PCDHA3: variants seen among roughly 807,000 people sequenced by gnomAD.
PCDHA3 encodes the protein protocadherin alpha 3.
Under a neutral mutation model 62.2 loss-of-function variants are expected in PCDHA3, and 41 were observed. The ratio of observed to expected loss-of-function variants is 0.66; its 90% CI spans 0.51 to 0.86. The LOEUF (loss-of-function observed/expected upper bound fraction) is 0.86. Among genes scored for constraint, PCDHA3 ranks in the 40% least tolerant of loss-of-function variants. PCDHA3 has a pLI of 0.00. For missense variants in PCDHA3, 1,304 were observed against 1,241.2 expected (o/e 1.05, Z -0.76); for synonymous variants, 640 against 555.4 (o/e 1.15, Z -2.14).
intron 1 of PCDHA3, chr5:140,836,797 C>T: frequency 7.4e-7 from 1 of 1,343,980 alleles, no homozygotes; most frequent in Non-Finnish European, 1.0e-6. Context: ...AATTGGTCTC[C>T]TTAAATTTTC....
At chr5:140,830,468 G>A in intron 1 of PCDHA3, 1 of 1,571,084 alleles carries the variant, frequency 6.4e-7, no homozygotes, top group South Asian at 1.2e-5. Flanking sequence ...GGATTTAAAT[G>A]AAGATCATGA....
At chr5:140,815,569 T>C (rs1483495177) in intron 1 of PCDHA3, 1 of 152,160 alleles carries the variant, frequency 6.6e-6, no homozygotes, top group Non-Finnish European at 1.5e-5. Flanking sequence ...TACTTTTGTC[T>C]TTTAATCAGA....
At chr5:140,925,217 G>T (rs1217593393) in intron 1 of PCDHA3, among the ~76,000 whole-genome samples, 1 of 152,154 alleles carries the variant, frequency 6.6e-6, no homozygotes, top group Non-Finnish European at 1.5e-5. Flanking sequence ...ATACTTTTAG[G>T]CAGGTTTCTA....
chr5:140,818,258 C>CA (rs1399194930), intron 1 of PCDHA3, among the ~76,000 whole-genome samples: 2 of 152,096 alleles, frequency 1.3e-5, no homozygotes, highest in African/African-American at 2.4e-5. Context: ...GTTTTTAAAT[C>CA]ACTTTTTCTC....
chr5:140,976,887 C>T (rs933700917), intron 1 of PCDHA3, among the ~76,000 whole-genome samples: 2 of 152,150 alleles, frequency 1.3e-5, no homozygotes, highest in Non-Finnish European at 2.9e-5. Flanking sequence ...AATTAGGATA[C>T]ATGCAACAGT....
rs76033389 is a variant in PCDHA3, at chr5:140,874,549, G to A, written c.2394+70958G>A. Among the ~76,000 whole-genome samples, 707 of 152,298 alleles carry A rather than the reference G, an allele frequency of 4.6e-3. 3 individuals are homozygous for A. The highest frequency in any genetic ancestry group is 0.016 in the African/African-American group (683 of 41,566). On this transcript the variant is annotated intron_variant, in intron 1 of 3. Transcript: ENST00000522353. ...GATTAGGCTCCAAAACCCTTTAAGA[G>A]ATCTTTCGCATTTTAGTGCTCCATT...
chr5:141,009,791 CCTA>C lies in PCDHA3; in HGVS notation c.2711_2713del (p.Thr904del), dbSNP rs2098414479. 1.2e-6 allele frequency: 2 copies of C among 1,613,966 alleles called. No homozygotes were observed. Among genetic ancestry groups the C allele is most frequent in the African/African-American group, 2.7e-5 (2 of 74,882 alleles). On this transcript the variant is annotated inframe_deletion, in exon 4 of 4. Coordinates refer to ENST00000522353, the MANE Select transcript of PCDHA3 (RefSeq NM_018906.3). ...TGCAATCATCTCCATCCGGCAGGAGCCTACTAACAGCCAAATTGACAAAAGTGA... is the reference window on the plus strand; with the variant it reads ...TGCAATCATCTCCATCCGGCAGGAGCCTAACAGCCAAATTGACAAAAGTGA...
intron 1 of PCDHA3, among the ~76,000 whole-genome samples, chr5:140,833,634 A>G (rs2150122696): frequency 6.6e-6 from 1 of 152,310 alleles, no homozygotes; most frequent in African/African-American, 2.4e-5. Flanking sequence ...TTCCTCCTCA[A>G]AAAGTTCACA....
At chr5:140,994,226 G>A (rs2097606248) in intron 3 of PCDHA3, among the ~76,000 whole-genome samples, 1 of 152,162 alleles carries the variant, frequency 6.6e-6, no homozygotes. Flanking sequence ...GTCTGTCTAT[G>A]TTATAATCAA....
chr5:140,884,176 T>C, intron 1 of PCDHA3: 1 of 1,613,372 alleles, frequency 6.2e-7, no homozygotes, highest in South Asian at 1.1e-5. Flanking sequence ...CGACGCGCCC[T>C]CTGGACGAGG....
At chr5:140,851,542 C>T in intron 1 of PCDHA3, 1 of 907,540 alleles carries the variant, frequency 1.1e-6, no homozygotes, top group Non-Finnish European at 1.3e-6. Context: ...GTAGATAATT[C>T]AAGAAATGTT....
At chr5:140,852,582 AT>A (rs2150518947) in intron 1 of PCDHA3, 40,508 of 639,920 alleles carry the variant, frequency 0.063, 8 homozygotes, top group South Asian at 0.073. Flanking sequence ...AGGCTTTTTT[AT>A]TTTTTTTTTT....
chr5:140,801,236 C>T lies in PCDHA3; in HGVS notation c.39C>T (p.Cys13=). ...FSWREDPGAQ[C]LLLSLLLLAA... is the part of the protein sequence containing the mutation. ...GGCGAGAAGATCCTGGAGCCCAGTGCCTGCTGCTTTCTCTTCTGCTCCTCG... is the reference window on the plus strand; with the variant it reads ...GGCGAGAAGATCCTGGAGCCCAGTGTCTGCTGCTTTCTCTTCTGCTCCTCG... The change falls in exon 1 of 4, where the codon TGC becomes TGT. Residue 13 remains cysteine, a synonymous_variant. Transcript: ENST00000522353. 3 of 1,612,882 alleles carry T rather than the reference C, an allele frequency of 1.9e-6. No individual in the cohort carries two copies. The highest frequency in any genetic ancestry group is 2.5e-6 in the Non-Finnish European group (3 of 1,179,166).
chr5:140,851,291 C>A, intron 1 of PCDHA3: 1 of 1,030,836 alleles, frequency 9.7e-7, no homozygotes, highest in Non-Finnish European at 1.2e-6. Context: ...GAAACCCAAG[C>A]AAAAATATAT....
rs2150201609 is a variant in PCDHA3 at position 140,832,441 on chromosome 5, G to A, written c.2394+28850G>A. Among the ~76,000 whole-genome samples the A allele has an allele frequency of 2.6e-4, 40 of 152,204 alleles. No homozygotes were observed. In the East Asian group the frequency reaches 5.8e-3, roughly 22 times the overall value. ...AAGAAGTACATGATAATTTTTAAGC[G>A]TGTAATTAATATTGCACTAAAATTT... On this transcript the variant is annotated intron_variant, in intron 1 of 3. Coordinates refer to ENST00000522353, the MANE Select transcript of PCDHA3 (RefSeq NM_018906.3).
At position 140,824,092 on chromosome 5, in the gene PCDHA3, C is replaced by G. The variant is rs2150132114; in HGVS notation, c.2394+20501C>G. 4 of 1,614,146 alleles carry G rather than the reference C, an allele frequency of 2.5e-6. No individual in the cohort carries two copies. In the South Asian group the frequency reaches 4.4e-5, roughly 18 times the overall value. On this transcript the variant is annotated intron_variant, in intron 1 of 3. Transcript: ENST00000522353. ...CAAAACAGACCTCATGGCCTTCAGT[C>G]CAAGCCTTCCTCAGGGTCCCACCTC...
chr5:141,001,567 T>A (rs116015618), intron 3 of PCDHA3, among the ~76,000 whole-genome samples: 2 of 152,294 alleles, frequency 1.3e-5, no homozygotes, highest in African/African-American at 4.8e-5. Context: ...ACGATTCTCC[T>A]GTGTTTTGTG....
intron 1 of PCDHA3, chr5:140,824,017 T>C (rs2150131551): frequency 1.2e-6 from 2 of 1,613,996 alleles, no homozygotes; most frequent in South Asian, 2.2e-5. Context: ...GGGGAGCTGG[T>C]CGTACTCGCA....
At chr5:140,975,208 G>A (rs1449804050) in intron 1 of PCDHA3, among the ~76,000 whole-genome samples, 1 of 152,170 alleles carries the variant, frequency 6.6e-6, no homozygotes, top group African/African-American at 2.4e-5. Context: ...TTCATGGCTG[G>A]CACTGGAGAA....
Sources: allele counts gnomAD v4.1 joint callset (sites outside exome capture counted in the v4.1 genomes callset), GRCh38; gene constraint gnomAD v4.1.1; transcripts MANE v1.5; gene names NCBI Gene and HGNC (gene_info 2026-07-23, HGNC 2026-07-21).